Variants in CARM1 observed in about 807,000 individuals in gnomAD.
CARM1 encodes the protein histone-arginine methyltransferase CARM1.
CARM1 carries 14 observed loss-of-function variants against 72.7 expected under a neutral mutation model. The ratio of observed to expected loss-of-function variants is 0.19; its 90% CI spans 0.13 to 0.30. CARM1 has a LOEUF of 0.30. CARM1 is among the 10% of genes least tolerant of loss of function. The probability of loss-of-function intolerance (pLI) is 1.00; values close to 1 mark genes in which losing one functional copy is unlikely to be tolerated. For synonymous variants in CARM1, 333 were observed against 345.5 expected (o/e 0.96, Z 0.40); for missense variants, 432 against 833.7 (o/e 0.52, Z 5.93).
intron 3 of CARM1, 69 bp downstream of exon 3, chr19:10,908,214 GC>G: frequency 9.8e-7 from 1 of 1,018,326 alleles, no homozygotes; most frequent in Non-Finnish European, 1.6e-6. Flanking sequence ...CCCGCAGGAG[GC>G]CACACAGCAC....
chr19:10,873,624 GTTTTTTTTTTTTTTTTTT>G (rs1169565864), intron 1 of CARM1, among the ~76,000 whole-genome samples: 2 of 47,342 alleles, frequency 4.2e-5, no homozygotes, highest in African/African-American at 8.7e-5. Context: ...TTTTAGTTTA[GTTTTTTTTTTTTTTTTTT>G]TTTTTTTTTT....
chr19:10,908,008 GC>G (rs779941231), intron 2 of CARM1, 30 bp from the exon 3 acceptor site: 2 of 1,453,296 alleles, frequency 1.4e-6, no homozygotes, highest in Non-Finnish European at 1.9e-6. Flanking sequence ...GTTGCTGACC[GC>G]CCCCCGGTGA....
chr19:10,920,751 AG>A lies in CARM1; in HGVS notation c.1424+5del. ...GATCTGAAAAACCCCTTCTTTAGGT[AG>A]GAGGGGCCCCTTGCCTGCACAGGGG... is the stretch of plus-strand genomic sequence containing the variant. On this transcript the variant is annotated splice_donor_region_variant and intron_variant, in intron 12 of 15. Coordinates refer to ENST00000327064, the MANE Select transcript of CARM1 (RefSeq NM_199141.2). The surrounding 1 kb of genome is among the most constrained non-coding windows in gnomAD (Gnocchi z 5.3). The A allele has an allele frequency of 6.2e-7, 1 of 1,614,116 alleles. No individual in the cohort carries two copies. Among genetic ancestry groups the A allele is most frequent in the South Asian group, 1.1e-5 (1 of 91,086 alleles).
chr19:10,910,275 G>A (rs1177168246), intron 4 of CARM1, among the ~76,000 whole-genome samples: 1 of 152,092 alleles, frequency 6.6e-6, no homozygotes, highest in Non-Finnish European at 1.5e-5. Flanking sequence ...TTAGCAGTTC[G>A]AGACCACCCT....
intron 1 of CARM1, among the ~76,000 whole-genome samples, chr19:10,872,426 C>G (rs540798605): frequency 5.3e-5 from 8 of 152,158 alleles, no homozygotes; most frequent in African/African-American, 1.9e-4. Flanking sequence ...CTGGGGCGCC[C>G]GCGAGTACCG....
At chr19:10,905,401 T>A (rs1255998210) in intron 2 of CARM1, among the ~76,000 whole-genome samples, 1 of 151,920 alleles carries the variant, frequency 6.6e-6, no homozygotes, top group Non-Finnish European at 1.5e-5. Context: ...CTGGGCCAGC[T>A]GTGGATGGAG....
chr19:10,884,532 A>G (rs1191070490), intron 1 of CARM1, among the ~76,000 whole-genome samples: 1 of 151,614 alleles, frequency 6.6e-6, no homozygotes, highest in East Asian at 1.9e-4. Flanking sequence ...TTGGTTGAAG[A>G]ATCTGGAGTC....
At position 10,916,660 on chromosome 19, in the gene CARM1, C is replaced by T. The variant is rs754707628; in HGVS notation, c.939-36C>T. On this transcript the variant is annotated intron_variant, in intron 7 of 15. Transcript: ENST00000327064. This position sits in a 1 kb window ranked among gnomAD's most constrained non-coding sequence, Gnocchi z 4.4. Reference sequence around the variant, plus strand: ...GCTACCCCACCTGCCTCTTCTGCAGCCCTGACCTTGCTGTGGGGGTGGGGC... The same window carrying T: ...GCTACCCCACCTGCCTCTTCTGCAGTCCTGACCTTGCTGTGGGGGTGGGGC... The T allele has an allele frequency of 3.2e-6, 5 of 1,547,446 alleles. No homozygotes were observed. The East Asian group carries it at 9.4e-5, about 29-fold the overall frequency.
At position 10,908,706 on chromosome 19, in the gene CARM1, A is replaced by G. The variant is rs962198423; in HGVS notation, c.454-397A>G. ...CTCCCGATCGCCCGTTGTCTTACAG[A>G]GAGACACCACACCTCACCTGCCTGG... On this transcript the variant is annotated intron_variant, in intron 3 of 15. Coordinates refer to ENST00000327064, the MANE Select transcript of CARM1 (RefSeq NM_199141.2). 2.5e-5 allele frequency: 5 copies of G among 200,152 alleles called. 1 individual carries two copies. The highest frequency in any genetic ancestry group is 5.4e-5 in the Admixed American group (1 of 18,490). 12.4% of individuals were successfully genotyped at this position (200,152 alleles called of 1,614,324 possible).
chr19:10,895,267 G>A (rs981505134), intron 1 of CARM1, among the ~76,000 whole-genome samples: 2 of 152,114 alleles, frequency 1.3e-5, no homozygotes, highest in African/African-American at 4.8e-5. Context: ...ACCACTCCTG[G>A]CTGATTTTTG....
intron 1 of CARM1, among the ~76,000 whole-genome samples, chr19:10,892,223 T>C (rs180759842): frequency 3.2e-4 from 49 of 152,158 alleles, no homozygotes; most frequent in African/African-American, 1.1e-3. Context: ...TCCAGGTGTA[T>C]CTCTGCAAGT....
chr19:10,905,375 C>CCTGGGCCAGCTGTGA (rs770940157), intron 2 of CARM1, among the ~76,000 whole-genome samples: 2 of 149,302 alleles, frequency 1.3e-5, no homozygotes, highest in South Asian at 2.1e-4. Context: ...AGTGGCCAGC[C>CCTGGGCCAGCTGTGA]CTGGGCCAGC....
At position 10,921,888 on chromosome 19, in the gene CARM1, C is replaced by T; in HGVS notation, c.*131C>T. ...GTCACAGCTCTCTTTGCTATGGGAACTGGGACACTTTTTTACACGATGTTG... is the reference window on the plus strand; with the variant it reads ...GTCACAGCTCTCTTTGCTATGGGAATTGGGACACTTTTTTACACGATGTTG... On this transcript the variant is annotated 3_prime_UTR_variant, in exon 16 of 16. Coordinates refer to ENST00000327064, the MANE Select transcript of CARM1 (RefSeq NM_199141.2). 1.1e-6 allele frequency: 1 copy of T among 922,750 alleles called. No homozygotes were observed. Among genetic ancestry groups the T allele is most frequent in the East Asian group, 2.6e-5 (1 of 38,002 alleles). The allele number at this position is 922,750 out of a possible 1,614,324, so 57.2% of individuals were successfully genotyped here. A position where few individuals can be genotyped will look rare whatever the true frequency, so the allele number is the denominator to read the frequency against.
intron 1 of CARM1, among the ~76,000 whole-genome samples, chr19:10,894,366 G>A (rs1005273680): frequency 3.3e-5 from 5 of 152,152 alleles, no homozygotes; most frequent in African/African-American, 9.7e-5. Context: ...TTCAGAAAGC[G>A]TGTTTTTTTT....
At chr19:10,902,286 G>GTTT (rs2074071666) in intron 1 of CARM1, among the ~76,000 whole-genome samples, 1 of 133,352 alleles carries the variant, frequency 7.5e-6, no homozygotes, top group Non-Finnish European at 1.6e-5. Context: ...AATAATTGTT[G>GTTT]TTTCTTTTTT....
intron 3 of CARM1, 39 bp from the exon 4 acceptor site, chr19:10,909,064 C>T (rs1326781731): frequency 1.3e-6 from 2 of 1,507,774 alleles, no homozygotes; most frequent in African/African-American, 1.4e-5. Context: ...TGCCTCGTGC[C>T]ACCATGTGCC....
In CARM1 at chr19:10,896,194, A is replaced by T. The variant is rs575686001; in HGVS notation, c.221-8757A>T. Among the ~76,000 whole-genome samples the T allele has an allele frequency of 1.4e-4, 21 of 151,698 alleles. No individual in the cohort carries two copies. Among genetic ancestry groups the T allele is most frequent in the African/African-American group, 5.1e-4 (21 of 41,328 alleles). ...ATCTGCTCAGTGAGACCCTTGAGAG[A>T]CGTCTCCCCGTTCTTCCAAGACCCT... On this transcript the variant is annotated intron_variant, in intron 1 of 15. Transcript: ENST00000327064. This position sits in a 1 kb window ranked among gnomAD's most constrained non-coding sequence, Gnocchi z 5.2.
In CARM1 at chr19:10,922,950, C is replaced by T. The variant is rs765052900; in HGVS notation, c.*1193C>T. 1.4e-5 allele frequency: 3 copies of T among 210,484 alleles called. No homozygotes were observed. The highest frequency in any genetic ancestry group is 2.4e-5 in the African/African-American group (1 of 42,154). The allele number at this position is 210,484 out of a possible 1,614,324, so 13.0% of individuals were successfully genotyped here. A position where few individuals can be genotyped will look rare whatever the true frequency, so the allele number is the denominator to read the frequency against. ...GCCATAGGAGGGAAAGCAGGTGGCC[C>T]GGGGGGGATATGGGGGCCCCAGCCC... On this transcript the variant is annotated 3_prime_UTR_variant, in exon 16 of 16. Transcript: ENST00000327064.
chr19:10,903,625 A>G (rs1322170439), intron 1 of CARM1, among the ~76,000 whole-genome samples: 2 of 151,066 alleles, frequency 1.3e-5, no homozygotes, highest in Non-Finnish European at 2.9e-5. Flanking sequence ...CAGTGGCACC[A>G]TCATACCTCA....
Sources: allele counts gnomAD v4.1 joint callset (sites outside exome capture counted in the v4.1 genomes callset), GRCh38; gene constraint gnomAD v4.1.1; non-coding constraint Gnocchi (gnomAD v3.1); transcripts MANE v1.5; gene names NCBI Gene and HGNC (gene_info 2026-07-23, HGNC 2026-07-21).